Variants in PLAGL1 observed in about 807,000 individuals in gnomAD.
PLAGL1 encodes the protein PLAG1 like zinc finger 1.
In PLAGL1, 1 loss-of-function variant was observed where a neutral mutation model predicts 4.6. The ratio of observed to expected loss-of-function variants is 0.22; its 90% CI spans 0.08 to 1.03. PLAGL1 has a LOEUF of 1.03. Among genes scored for constraint, PLAGL1 ranks in the 50% least tolerant of loss-of-function variants. The pLI is 0.58. For synonymous variants in PLAGL1, 240 were observed against 237.8 expected (o/e 1.01, Z -0.08); for missense variants, 464 against 570.4 (o/e 0.81, Z 1.90).
intron 1 of PLAGL1, among the ~76,000 whole-genome samples, chr6:144,045,129 CTT>C (rs1322971673): frequency 1.3e-5 from 2 of 150,158 alleles, no homozygotes; most frequent in Non-Finnish European, 2.9e-5. Flanking sequence ...GGTCTTGACT[CTT>C]TATCCAATTT....
In PLAGL1 at chr6:144,060,100, T is replaced by A. The variant is rs58989946; in HGVS notation, c.-151+4368A>T. ...TCTTACTCTGTTGCCCAGGCTGAAG[T>A]GCAGTGGTGTGATCACAGCTCACTG... On this transcript the variant is annotated intron_variant, in intron 1 of 3. Coordinates refer to the PLAGL1 transcript ENST00000437412. Among the ~76,000 whole-genome samples the A allele has an allele frequency of 8.4e-3, 1,277 of 152,082 alleles. 68 individuals are homozygous for A. The East Asian group carries it at 0.14, about 17-fold the overall frequency.
chr6:144,010,774 A>G (rs1031838302), upstream of PLAGL1, among the ~76,000 whole-genome samples: 2 of 152,236 alleles, frequency 1.3e-5, no homozygotes, highest in African/African-American at 4.8e-5. The surrounding 1 kb of genome is among the most constrained non-coding windows in gnomAD (Gnocchi z 4.1). Context: ...CCAATGGAAC[A>G]GAACAGAGTC....
chr6:144,047,967 A>G (rs1013109443), intron 1 of PLAGL1, among the ~76,000 whole-genome samples: 1 of 152,214 alleles, frequency 6.6e-6, no homozygotes, highest in South Asian at 2.1e-4. Context: ...CTTCCCAGAT[A>G]CAATGAGGGT....
Position 143,949,953 on chromosome 6 carries a change from T to C in PLAGL1, c.-324-1493A>G, listed in dbSNP as rs1258247372. Among the ~76,000 whole-genome samples the C allele has an allele frequency of 2.6e-5, 4 of 152,200 alleles. No homozygotes were observed. Among genetic ancestry groups the C allele is most frequent in the East Asian group, 3.9e-4 (2 of 5,194 alleles). ...GTTTAAACATGTTTAAATATAGCAT[T>C]ATGTAGCACACGGACATAACCAAAC... On this transcript the variant is annotated intron_variant, in intron 6 of 7. Coordinates refer to ENST00000674357, the MANE Select transcript of PLAGL1 (RefSeq NM_001317162.2). This position sits in a 1 kb window ranked among gnomAD's most constrained non-coding sequence, Gnocchi z 5.3.
At chr6:144,033,183 A>T (rs1434440920) in intron 1 of PLAGL1, among the ~76,000 whole-genome samples, 3 of 152,252 alleles carry the variant, frequency 2.0e-5, no homozygotes, top group Non-Finnish European at 4.4e-5. Flanking sequence ...TGTGAGTGAC[A>T]TGAGGACTAC....
At chr6:143,980,281 T>C (rs1787625383) in intron 2 of PLAGL1, among the ~76,000 whole-genome samples, 1 of 152,132 alleles carries the variant, frequency 6.6e-6, no homozygotes, top group African/African-American at 2.4e-5. Flanking sequence ...TCAGCCATTA[T>C]ATCTTTATTT....
rs1788878955 is a variant in PLAGL1, at chr6:143,985,779, C to G, written c.-583-605G>C. 6.6e-6 allele frequency among the ~76,000 whole-genome samples: 1 copy of G among 150,992 alleles called. No individual in the cohort carries two copies. The highest frequency in any genetic ancestry group is 2.1e-4 in the South Asian group (1 of 4,792). Reference sequence around the variant, plus strand: ...ATCACTCATTTCAAAAATCAAAACGCAAAAAGTAAGGGAGTCAGAAATGTT... The same window carrying G: ...ATCACTCATTTCAAAAATCAAAACGGAAAAAGTAAGGGAGTCAGAAATGTT... On this transcript the variant is annotated intron_variant, in intron 1 of 7. Coordinates refer to ENST00000674357, the MANE Select transcript of PLAGL1 (RefSeq NM_001317162.2). This position sits in a 1 kb window ranked among gnomAD's most constrained non-coding sequence, Gnocchi z 4.4.
rs1799393703 is a variant in PLAGL1, at chr6:144,061,481, T to C, written c.-151+2987A>G. On this transcript the variant is annotated intron_variant, in intron 1 of 3. Coordinates refer to the PLAGL1 transcript ENST00000437412. The surrounding 1 kb of genome is among the most constrained non-coding windows in gnomAD (Gnocchi z 4.4). ...TCGTAGCTGTTAATCCTCATAAGTC[T>C]CCTGTAGATCATATTATTATATCCC... 6.6e-6 allele frequency among the ~76,000 whole-genome samples: 1 copy of C among 152,150 alleles called. No homozygotes were observed. Among genetic ancestry groups the C allele is most frequent in the Admixed American group, 6.5e-5 (1 of 15,278 alleles).
chr6:144,024,787 A>C (rs907723667), intron 1 of PLAGL1, among the ~76,000 whole-genome samples: 11 of 152,238 alleles, frequency 7.2e-5, no homozygotes, highest in African/African-American at 2.7e-4. Flanking sequence ...AACTGAAACC[A>C]TCTGAGCAAC....
At chr6:144,023,739 G>T (rs567474239) in intron 1 of PLAGL1, among the ~76,000 whole-genome samples, 2 of 138,290 alleles carry the variant, frequency 1.4e-5, no homozygotes, top group Admixed American at 1.4e-4. Context: ...CTGGATTAGA[G>T]TTGGACATCA....
At chr6:144,009,926 CA>C (rs1562568717), upstream of PLAGL1, among the ~76,000 whole-genome samples, 1 of 152,026 alleles carries the variant, frequency 6.6e-6, no homozygotes, top group Non-Finnish European at 1.5e-5. Flanking sequence ...CACCAATGGC[CA>C]TTTGGGTTGA....
rs549787576 is a variant in PLAGL1 at position 143,978,922 on chromosome 6, T to G, written c.-544+6213A>C. On this transcript the variant is annotated intron_variant, in intron 2 of 7. Coordinates refer to ENST00000674357, the MANE Select transcript of PLAGL1 (RefSeq NM_001317162.2). This position sits in a 1 kb window ranked among gnomAD's most constrained non-coding sequence, Gnocchi z 4.6. ...GAAGGGTGCTGAAATCTGACCACAA[T>G]TGTGAATTTGTCTATTTCTTCCCAT... 6.6e-6 allele frequency among the ~76,000 whole-genome samples: 1 copy of G among 152,188 alleles called. No individual in the cohort carries two copies. The highest frequency in any genetic ancestry group is 1.5e-5 in the Non-Finnish European group (1 of 68,008).
Position 144,055,118 on chromosome 6 carries a change from T to C in PLAGL1, c.-151+9350A>G, listed in dbSNP as rs1798870566. Reference sequence around the variant, plus strand: ...TCTATTGAAAAACACCCTTTACATATAGTAGTGCCATATATTTTGAAAAAG... The same window carrying C: ...TCTATTGAAAAACACCCTTTACATACAGTAGTGCCATATATTTTGAAAAAG... On this transcript the variant is annotated intron_variant, in intron 1 of 3. Coordinates refer to the PLAGL1 transcript ENST00000437412. This position sits in a 1 kb window ranked among gnomAD's most constrained non-coding sequence, Gnocchi z 5.0. Among the ~76,000 whole-genome samples, 1 of 152,062 alleles carries C rather than the reference T, an allele frequency of 6.6e-6. No individual in the cohort carries two copies. Among genetic ancestry groups the C allele is most frequent in the African/African-American group, 2.4e-5 (1 of 41,416 alleles).
intron 1 of PLAGL1, among the ~76,000 whole-genome samples, chr6:144,021,994 G>A (rs1796010528): frequency 6.6e-6 from 1 of 152,150 alleles, no homozygotes; most frequent in African/African-American, 2.4e-5. Flanking sequence ...AAGGAGAGGA[G>A]AAGATAGCTT....
In PLAGL1 at chr6:143,971,870, C is replaced by A. The variant is rs1390730927; in HGVS notation, c.-543-2892G>T. 6.6e-6 allele frequency among the ~76,000 whole-genome samples: 1 copy of A among 152,162 alleles called. No individual in the cohort carries two copies. Among genetic ancestry groups the A allele is most frequent in the Non-Finnish European group, 1.5e-5 (1 of 68,022 alleles). On this transcript the variant is annotated intron_variant, in intron 2 of 7. Coordinates refer to ENST00000674357, the MANE Select transcript of PLAGL1 (RefSeq NM_001317162.2). The surrounding 1 kb of genome is among the most constrained non-coding windows in gnomAD (Gnocchi z 4.7). ...TTCTAAATGAAAAGTTTTTTCATCT[C>A]ATTAATGGAAATATCTAAACATTAC... is the stretch of plus-strand genomic sequence containing the variant.
Position 143,966,216 on chromosome 6 carries a change from G to C in PLAGL1, c.-471-18C>G, listed in dbSNP as rs1391998749. 6.6e-6 allele frequency: 1 copy of C among 152,148 alleles called. No individual in the cohort carries two copies. Among genetic ancestry groups the C allele is most frequent in the African/African-American group, 2.4e-5 (1 of 41,418 alleles). The allele number at this position is 152,148 out of a possible 1,614,324, so 9.4% of individuals were successfully genotyped here. A position where few individuals can be genotyped will look rare whatever the true frequency, so the allele number is the denominator to read the frequency against. On this transcript the variant is annotated intron_variant, in intron 3 of 7. Coordinates refer to ENST00000674357, the MANE Select transcript of PLAGL1 (RefSeq NM_001317162.2). The surrounding 1 kb of genome is among the most constrained non-coding windows in gnomAD (Gnocchi z 6.0). The stretch of plus-strand genomic sequence containing the variant: ...TCTGTCGACTGCAACGAAAAGTCTT[G>C]TCTAATCAGAACCACTGAAAGTTGT...
intron 1 of PLAGL1, among the ~76,000 whole-genome samples, chr6:144,037,937 T>G (rs1330639974): frequency 3.9e-5 from 6 of 152,180 alleles, no homozygotes; most frequent in Non-Finnish European, 5.9e-5. Flanking sequence ...AGTTAGCGCT[T>G]GTCGCCAATA....
rs1251138742 is a variant in PLAGL1, at chr6:143,972,458, G to T, written c.-543-3480C>A. 6.6e-6 allele frequency among the ~76,000 whole-genome samples: 1 copy of T among 152,182 alleles called. No individual in the cohort carries two copies. The highest frequency in any genetic ancestry group is 1.5e-5 in the Non-Finnish European group (1 of 68,024). On this transcript the variant is annotated intron_variant, in intron 2 of 7. Transcript: ENST00000674357. This position sits in a 1 kb window ranked among gnomAD's most constrained non-coding sequence, Gnocchi z 6.8. The stretch of plus-strand genomic sequence containing the variant: ...TGATAATCTCAAGACTTTTTCTTTA[G>T]TGTGTTCTAAAAAGGTGGTAATTTT...
At chr6:144,029,497 G>A (rs1314090751) in intron 1 of PLAGL1, among the ~76,000 whole-genome samples, 1 of 152,194 alleles carries the variant, frequency 6.6e-6, no homozygotes, top group Admixed American at 6.5e-5. Flanking sequence ...AATAGGAAAA[G>A]ACACAGCTCA....
Sources: allele counts gnomAD v4.1 joint callset (sites outside exome capture counted in the v4.1 genomes callset), GRCh38; gene constraint gnomAD v4.1.1; non-coding constraint Gnocchi (gnomAD v3.1); transcripts MANE v1.5; gene names NCBI Gene and HGNC (gene_info 2026-07-23, HGNC 2026-07-21).